The following DLG2 variants were observed in gnomAD, a reference collection of about 807,000 sequenced individuals.
The protein encoded by DLG2 is disks large homolog 2.
A neutral mutation model predicts 132.5 loss-of-function variants in DLG2; 45 were observed. The ratio of observed to expected loss-of-function variants is 0.34; its 90% CI spans 0.27 to 0.44. The LOEUF is 0.44. Among genes scored for constraint, DLG2 ranks in the 20% least tolerant of loss-of-function variants. The probability of loss-of-function intolerance (pLI) is 1.00; values close to 1 mark genes in which losing one functional copy is unlikely to be tolerated. For synonymous variants in DLG2, 424 were observed against 419.6 expected, an observed-to-expected ratio of 1.01 and a Z score of -0.13; for missense variants, 1,045 against 1,196.9, an observed-to-expected ratio of 0.87 and a Z score of 1.87.
intron 7 of DLG2, among the ~76,000 whole-genome samples, chr11:84,348,302 G>A (rs1461702321): frequency 1.3e-5 from 2 of 152,096 alleles, no homozygotes; most frequent in Non-Finnish European, 1.5e-5. Flanking sequence ...AAAGCTCAAG[G>A]ACGTTAAGTA....
intron 15 of DLG2, among the ~76,000 whole-genome samples, chr11:83,924,577 C>T (rs1170366799): frequency 3.9e-5 from 6 of 152,122 alleles, no homozygotes; most frequent in Admixed American, 6.6e-5. Context: ...ATACTGCCAA[C>T]CCTACCATTC....
chr11:84,421,047 C>T (rs1000322158), intron 7 of DLG2, among the ~76,000 whole-genome samples: 1 of 152,066 alleles, frequency 6.6e-6, no homozygotes, highest in East Asian at 1.9e-4. Context: ...CTCTTGAAGT[C>T]CTTAGGGTGG....
At chr11:84,566,683 A>C (rs2099457385) in intron 6 of DLG2, among the ~76,000 whole-genome samples, 1 of 152,218 alleles carries the variant, frequency 6.6e-6, no homozygotes, top group Admixed American at 6.5e-5. Context: ...CTGATTATAT[A>C]AGAGAAGTGT....
chr11:84,656,634 T>G (rs1041575268), intron 6 of DLG2, among the ~76,000 whole-genome samples: 1 of 152,150 alleles, frequency 6.6e-6, no homozygotes, highest in Non-Finnish European at 1.5e-5. Flanking sequence ...AGAGTATAGT[T>G]GAATTTAAAC....
At chr11:84,124,851 T>A (rs1235495347) in intron 9 of DLG2, among the ~76,000 whole-genome samples, 1 of 149,110 alleles carries the variant, frequency 6.7e-6, no homozygotes, top group Non-Finnish European at 1.5e-5. Flanking sequence ...TTTTCACTTT[T>A]TTTTTTTTTT....
At chr11:83,781,744 T>G (rs1374045022) in intron 18 of DLG2, among the ~76,000 whole-genome samples, 2 of 152,194 alleles carry the variant, frequency 1.3e-5, no homozygotes, top group African/African-American at 4.8e-5. Context: ...ATTTTGAGCT[T>G]TATCTAATAC....
intron 3 of DLG2, among the ~76,000 whole-genome samples, chr11:85,513,878 C>T (rs536557809): frequency 6.6e-6 from 1 of 152,066 alleles, no homozygotes; most frequent in South Asian, 2.1e-4. Context: ...TGATTAGTTA[C>T]CAAGTCCTAT....
intron 6 of DLG2, among the ~76,000 whole-genome samples, chr11:84,571,036 A>G (rs2099481796): frequency 6.6e-6 from 1 of 152,162 alleles, no homozygotes; most frequent in Non-Finnish European, 1.5e-5. Flanking sequence ...GTCTACACAC[A>G]TTTATGAACA....
intron 7 of DLG2, among the ~76,000 whole-genome samples, chr11:84,263,986 AT>A (rs1281820632): frequency 6.6e-6 from 1 of 152,102 alleles, no homozygotes; most frequent in East Asian, 1.9e-4. Context: ...ATTTTCCCTT[AT>A]TTTAAATTCT....
chr11:84,478,153 A>G (rs964548140), intron 7 of DLG2, among the ~76,000 whole-genome samples: 4 of 152,114 alleles, frequency 2.6e-5, no homozygotes. Context: ...TGCATTGTTC[A>G]TTATTACAAA....
At chr11:84,152,443 G>A (rs1206579981) in intron 9 of DLG2, among the ~76,000 whole-genome samples, 5 of 150,650 alleles carry the variant, frequency 3.3e-5, no homozygotes, top group African/African-American at 1.2e-4. Context: ...CTGGAGTGCA[G>A]TGGCGCAATC....
At position 85,471,317 on chromosome 11, in the gene DLG2, T is replaced by A. The variant is rs537038427; in HGVS notation, c.40+127340A>T. On this transcript the variant is annotated intron_variant, in intron 3 of 27. Coordinates refer to ENST00000376104, the MANE Select transcript of DLG2 (RefSeq NM_001142699.3). ...TATAAACATAGATTTTTTAGACTTA[T>A]TTTAAAATCTAAACTCACAAAACAC... 2.9e-4 allele frequency among the ~76,000 whole-genome samples: 44 copies of A among 152,288 alleles called. No individual in the cohort carries two copies. In the East Asian group the frequency reaches 8.3e-3, roughly 29 times the overall value.
intron 8 of DLG2, among the ~76,000 whole-genome samples, chr11:84,201,209 G>A (rs2096588019): frequency 6.6e-6 from 1 of 152,080 alleles, no homozygotes; most frequent in African/African-American, 2.4e-5. Context: ...TAATCATGTG[G>A]TTTTTGTCTT....
At chr11:85,194,175 G>A (rs2080857714) in intron 4 of DLG2, among the ~76,000 whole-genome samples, 1 of 152,218 alleles carries the variant, frequency 6.6e-6, no homozygotes, top group Non-Finnish European at 1.5e-5. Flanking sequence ...AACTGCATTT[G>A]GAGTCTGTGA....
At chr11:83,764,163 G>T (rs560980664) in intron 18 of DLG2, among the ~76,000 whole-genome samples, 2 of 152,056 alleles carry the variant, frequency 1.3e-5, no homozygotes, top group East Asian at 1.9e-4. Context: ...CAGTACTATC[G>T]CATGGCTGGA....
At chr11:84,110,056 C>T (rs2093249950) in intron 9 of DLG2, among the ~76,000 whole-genome samples, 1 of 152,144 alleles carries the variant, frequency 6.6e-6, no homozygotes, top group African/African-American at 2.4e-5. Context: ...CCACACCTGA[C>T]TCACTTCTCT....
At chr11:85,479,035 A>T (rs2093220600) in intron 3 of DLG2, among the ~76,000 whole-genome samples, 1 of 152,216 alleles carries the variant, frequency 6.6e-6, no homozygotes, top group Non-Finnish European at 1.5e-5. Context: ...AGCTGACTAC[A>T]TGAGATTTTT....
At chr11:84,457,738 G>A (rs931401588) in intron 7 of DLG2, among the ~76,000 whole-genome samples, 14 of 150,748 alleles carry the variant, frequency 9.3e-5, no homozygotes, top group Middle Eastern at 3.4e-3. Flanking sequence ...TTTTTCAAAC[G>A]AACTAAAGAG....
In DLG2 at chr11:85,369,379, T is replaced by C. The variant is rs370802867; in HGVS notation, c.41-84014A>G. 6.7e-4 allele frequency among the ~76,000 whole-genome samples: 102 copies of C among 152,256 alleles called. 1 individual carries two copies. Among genetic ancestry groups the C allele is most frequent in the South Asian group, 6.0e-3 (29 of 4,820 alleles). On this transcript the variant is annotated intron_variant, in intron 3 of 27. Transcript: ENST00000376104. ...CTTTTCTCCTGGTGGAGGAACCACT[T>C]TCATAACAATAAGAGGTTCTTCCCC...
Sources: allele counts gnomAD v4.1 joint callset (sites outside exome capture counted in the v4.1 genomes callset), GRCh38; gene constraint gnomAD v4.1.1; transcripts MANE v1.5; gene names NCBI Gene and HGNC (gene_info 2026-07-23, HGNC 2026-07-21).